Variants in KLHL1 observed in about 807,000 individuals in gnomAD.
The protein encoded by KLHL1 is kelch-like protein 1.
KLHL1 carries 47 observed loss-of-function variants against 77.7 expected under a neutral mutation model. That is an observed-to-expected ratio of 0.60 (90% CI 0.48 to 0.77). The LOEUF (loss-of-function observed/expected upper bound fraction) is 0.77, where lower values mean the gene tolerates loss of function less well. Among genes scored for constraint, KLHL1 ranks in the 30% least tolerant of loss-of-function variants. KLHL1 has a pLI of 0.00. For missense variants in KLHL1, 925 were observed against 910.8 expected (o/e 1.02, Z -0.20); for synonymous variants, 360 against 325.2 (o/e 1.11, Z -1.15).
At chr13:69,855,207 G>T (rs1489856847) in intron 5 of KLHL1, among the ~76,000 whole-genome samples, 3 of 151,920 alleles carry the variant, frequency 2.0e-5, no homozygotes, top group African/African-American at 7.3e-5. Flanking sequence ...CTGTCTACTA[G>T]TTAGAGTGTA....
chr13:70,038,552 A>G (rs932351132), intron 1 of KLHL1, among the ~76,000 whole-genome samples: 4 of 131,470 alleles, frequency 3.0e-5, no homozygotes, highest in African/African-American at 1.1e-4. Flanking sequence ...TTTTTTTCAC[A>G]TCTTTGCCAG....
intron 5 of KLHL1, among the ~76,000 whole-genome samples, chr13:69,859,027 C>T (rs1464789533): frequency 6.6e-6 from 1 of 152,006 alleles, no homozygotes; most frequent in Non-Finnish European, 1.5e-5. Context: ...TGTTACATAA[C>T]CCTAAAGGCC....
At chr13:69,784,949 G>T (rs1267449764) in intron 7 of KLHL1, among the ~76,000 whole-genome samples, 1 of 138,926 alleles carries the variant, frequency 7.2e-6, no homozygotes, top group Non-Finnish European at 1.5e-5. Flanking sequence ...GAGTGCAGTG[G>T]TGGGATCTCA....
chr13:70,042,247 C>G (rs1211096160), intron 1 of KLHL1, among the ~76,000 whole-genome samples: 1 of 152,004 alleles, frequency 6.6e-6, no homozygotes, highest in Non-Finnish European at 1.5e-5. Flanking sequence ...CCTAACCAAT[C>G]TGCCTTCATT....
intron 4 of KLHL1, among the ~76,000 whole-genome samples, chr13:69,909,059 G>A (rs1882143790): frequency 6.7e-6 from 1 of 149,044 alleles, no homozygotes; most frequent in South Asian, 2.1e-4. Context: ...CATATATTTA[G>A]TATACATGTA....
intron 5 of KLHL1, among the ~76,000 whole-genome samples, chr13:69,875,082 C>T (rs931326044): frequency 2.0e-5 from 3 of 151,940 alleles, no homozygotes; most frequent in Admixed American, 2.0e-4. Context: ...AACAAATTAG[C>T]AACGACAGTT....
At chr13:69,835,095 G>A (rs1004639477) in intron 6 of KLHL1, among the ~76,000 whole-genome samples, 1 of 152,070 alleles carries the variant, frequency 6.6e-6, no homozygotes, top group African/African-American at 2.4e-5. Flanking sequence ...TATCCAAAAT[G>A]TTTGAAAAAT....
chr13:69,870,451 G>T (rs940723467), intron 5 of KLHL1, among the ~76,000 whole-genome samples: 1 of 151,856 alleles, frequency 6.6e-6, no homozygotes, highest in African/African-American at 2.4e-5. Flanking sequence ...GTTTTTGGGG[G>T]ACAAACATCC....
intron 7 of KLHL1, among the ~76,000 whole-genome samples, chr13:69,780,580 CT>C (rs5804447): frequency 0.093 from 13,912 of 149,378 alleles, 888 homozygotes; most frequent in East Asian, 0.25. Context: ...TTGTATTATG[CT>C]GATTTTTTTT....
At chr13:69,998,983 A>T (rs903961873) in intron 1 of KLHL1, among the ~76,000 whole-genome samples, 3 of 151,994 alleles carry the variant, frequency 2.0e-5, no homozygotes, top group Admixed American at 6.6e-5. Context: ...CCACACTTCT[A>T]GAGGTCCTAG....
At chr13:69,962,066 CTT>C (rs200052154) in intron 2 of KLHL1, among the ~76,000 whole-genome samples, 2,882 of 151,832 alleles carry the variant, frequency 0.019, 64 homozygotes, top group African/African-American at 0.05. Flanking sequence ...TTTGGGGAGA[CTT>C]GACATAATTT....
At chr13:69,798,855 G>A (rs67934724) in intron 6 of KLHL1, among the ~76,000 whole-genome samples, 53,371 of 151,884 alleles carry the variant, frequency 0.35, 9,651 homozygotes, top group African/African-American at 0.42. Context: ...ATCATCTGAG[G>A]TCAGGAGACT....
chr13:69,956,837 G>A (rs1360304750), intron 3 of KLHL1, among the ~76,000 whole-genome samples: 2 of 151,622 alleles, frequency 1.3e-5, no homozygotes, highest in Non-Finnish European at 3.0e-5. Flanking sequence ...TATGAAATAT[G>A]TAATTTTCAA....
intron 1 of KLHL1, among the ~76,000 whole-genome samples, chr13:69,977,588 T>C (rs1884582634): frequency 6.6e-6 from 1 of 151,984 alleles, no homozygotes; most frequent in South Asian, 2.1e-4. Context: ...TGTGAGGAAA[T>C]AATGGCCAAG....
chr13:70,083,856 G>A (rs935889041), intron 1 of KLHL1, among the ~76,000 whole-genome samples: 2 of 151,830 alleles, frequency 1.3e-5, no homozygotes, highest in Non-Finnish European at 2.9e-5. Flanking sequence ...CCCCATACAT[G>A]TATACAATTT....
chr13:69,937,696 A>T (rs140320058), intron 4 of KLHL1, among the ~76,000 whole-genome samples: 1 of 152,240 alleles, frequency 6.6e-6, no homozygotes, highest in Non-Finnish European at 1.5e-5. Context: ...TGCATGATTC[A>T]TTGCCAAGCT....
chr13:69,702,246 G>T (rs902803493), intron 10 of KLHL1, among the ~76,000 whole-genome samples: 25 of 151,518 alleles, frequency 1.6e-4, no homozygotes, highest in African/African-American at 5.6e-4. Context: ...TCAATATTTT[G>T]TCATAAATAG....
chr13:69,897,700 T>G (rs968698569), intron 4 of KLHL1, among the ~76,000 whole-genome samples: 6 of 152,126 alleles, frequency 3.9e-5, no homozygotes, highest in Admixed American at 1.3e-4. Context: ...CCTCAGTTGA[T>G]GACTATTTGA....
chr13:69,950,590 T>A (rs904426170), intron 3 of KLHL1, among the ~76,000 whole-genome samples: 3 of 151,606 alleles, frequency 2.0e-5, no homozygotes, highest in Non-Finnish European at 3.0e-5. Flanking sequence ...AATGATTAAC[T>A]CATGGTCGTA....
Sources: gnomAD v4.1 joint callset for allele counts (sites outside exome capture counted in the v4.1 genomes callset) on GRCh38, gnomAD v4.1.1 for gene constraint, MANE v1.5 for transcripts, NCBI Gene and HGNC (gene_info 2026-07-23, HGNC 2026-07-21) for gene names.